PTPRD: variants seen among roughly 807,000 people sequenced by gnomAD.
PTPRD encodes protein tyrosine phosphatase receptor type D.
PTPRD carries 34 observed loss-of-function variants against 214.5 expected under a neutral mutation model. That is an observed-to-expected ratio of 0.16 (90% CI 0.12 to 0.21). PTPRD has a LOEUF of 0.21. Ranked by LOEUF, PTPRD falls within the 10% of genes least tolerant of loss-of-function variation. The pLI is 1.00. For missense variants in PTPRD, 2,545 were observed against 2,398.7 expected (o/e 1.06, Z -1.27); for synonymous variants, 1,128 against 845.7 (o/e 1.33, Z -5.79).
intron 3 of PTPRD, among the ~76,000 whole-genome samples, chr9:10,077,359 C>T (rs1020321930): frequency 6.6e-6 from 1 of 152,130 alleles, no homozygotes; most frequent in African/African-American, 2.4e-5. Context: ...TTGTGGTTCT[C>T]AAAATTCATT....
At chr9:8,889,573 G>A (rs918699149) in intron 11 of PTPRD, among the ~76,000 whole-genome samples, 6 of 152,134 alleles carry the variant, frequency 3.9e-5, no homozygotes, top group African/African-American at 1.2e-4. Flanking sequence ...CCTGAGCAGT[G>A]TACACTGTGC....
intron 5 of PTPRD, among the ~76,000 whole-genome samples, chr9:9,867,442 T>C (rs1000386865): frequency 7.2e-5 from 11 of 151,954 alleles, no homozygotes; most frequent in Non-Finnish European, 1.0e-4. Context: ...ATTCAAGATA[T>C]TCTGCATGAT....
chr9:8,514,925 T>A (rs771686231), intron 21 of PTPRD, among the ~76,000 whole-genome samples: 74 of 152,242 alleles, frequency 4.9e-4, no homozygotes, highest in African/African-American at 1.7e-3. Flanking sequence ...AATGGTTTTA[T>A]AAGGGGCTCT....
At position 9,693,786 on chromosome 9, in the gene PTPRD, C is replaced by G. The variant is rs2097318855; in HGVS notation, c.-287+40747G>C. On this transcript the variant is annotated intron_variant, in intron 7 of 45. Coordinates refer to ENST00000381196, the MANE Select transcript of PTPRD (RefSeq NM_002839.4). ...TAGATGTGCTTCATTTTTTAATATT[C>G]TCTTTGCTTTTGTCTCCTCTGACTG... 2.0e-5 allele frequency among the ~76,000 whole-genome samples: 3 copies of G among 152,070 alleles called. No individual in the cohort carries two copies. The South Asian group carries it at 6.2e-4, about 31-fold the overall frequency.
At chr9:8,907,532 AAATAT>A (rs1170333826) in intron 11 of PTPRD, among the ~76,000 whole-genome samples, 224 of 134,912 alleles carry the variant, frequency 1.7e-3, no homozygotes, top group African/African-American at 5.6e-3. Flanking sequence ...AAAAAAAAAA[AAATAT>A]ATATATATAT....
chr9:10,070,785 C>A (rs894697512), intron 3 of PTPRD, among the ~76,000 whole-genome samples: 6 of 151,722 alleles, frequency 4.0e-5, no homozygotes, highest in Non-Finnish European at 8.8e-5. Flanking sequence ...TAAGACTCTC[C>A]ACCGGCCACT....
At chr9:9,248,834 T>A (rs555632718) in intron 9 of PTPRD, among the ~76,000 whole-genome samples, 11 of 152,072 alleles carry the variant, frequency 7.2e-5, no homozygotes, top group Admixed American at 2.0e-4. Context: ...GAGACAAACA[T>A]AAGCAAGTAA....
chr9:8,533,380 C>T (rs553063824), intron 14 of PTPRD, among the ~76,000 whole-genome samples: 137 of 151,990 alleles, frequency 9.0e-4, no homozygotes, highest in African/African-American at 3.1e-3. Context: ...GGGAAAAATC[C>T]CAATTTTTAA....
chr9:9,335,667 T>C (rs957579493), intron 9 of PTPRD, among the ~76,000 whole-genome samples: 21 of 152,124 alleles, frequency 1.4e-4, no homozygotes, highest in African/African-American at 5.1e-4. Context: ...CACATATTCA[T>C]TGTTTCTTTC....
chr9:8,827,679 C>T (rs754409982), intron 11 of PTPRD, among the ~76,000 whole-genome samples: 1 of 152,092 alleles, frequency 6.6e-6, no homozygotes, highest in African/African-American at 2.4e-5. Context: ...ATAAAGTAAT[C>T]AGCTCATCAT....
intron 12 of PTPRD, among the ~76,000 whole-genome samples, chr9:8,711,530 A>G (rs911447839): frequency 6.6e-6 from 1 of 152,164 alleles, no homozygotes; most frequent in Non-Finnish European, 1.5e-5. Context: ...AAGCAAAAAT[A>G]ATAATAAAAA....
At chr9:10,475,927 C>G (rs1023777013) in intron 2 of PTPRD, among the ~76,000 whole-genome samples, 1 of 151,856 alleles carries the variant, frequency 6.6e-6, no homozygotes, top group Non-Finnish European at 1.5e-5. Context: ...AATACAAATT[C>G]AACATCCCTT....
intron 10 of PTPRD, among the ~76,000 whole-genome samples, chr9:9,121,000 G>A (rs2099817082): frequency 6.6e-6 from 1 of 152,116 alleles, no homozygotes; most frequent in African/African-American, 2.4e-5. Flanking sequence ...ATGCTGTAAT[G>A]AAGATATTAT....
intron 7 of PTPRD, among the ~76,000 whole-genome samples, chr9:9,599,613 T>A (rs1200339811): frequency 6.6e-6 from 1 of 152,022 alleles, no homozygotes; most frequent in Non-Finnish European, 1.5e-5. Context: ...TGTTTCATTC[T>A]GAGTAATTTC....
At chr9:9,201,791 G>A (rs149281438) in intron 9 of PTPRD, among the ~76,000 whole-genome samples, 54 of 152,234 alleles carry the variant, frequency 3.5e-4, no homozygotes, top group Middle Eastern at 3.4e-3. Flanking sequence ...GACTAATTTT[G>A]ATGTGATAAT....
At chr9:10,394,805 T>G (rs976499441) in intron 2 of PTPRD, among the ~76,000 whole-genome samples, 4 of 151,820 alleles carry the variant, frequency 2.6e-5, no homozygotes, top group Non-Finnish European at 5.9e-5. Context: ...CAATATAAAC[T>G]TTACAAAATA....
At chr9:9,216,312 A>T (rs577274277) in intron 9 of PTPRD, among the ~76,000 whole-genome samples, 1 of 152,260 alleles carries the variant, frequency 6.6e-6, no homozygotes, top group Non-Finnish European at 1.5e-5. Flanking sequence ...CCAGCTCCCA[A>T]ATCCTAGCCA....
chr9:9,589,947 G>C (rs918133553), intron 7 of PTPRD, among the ~76,000 whole-genome samples: 1 of 151,718 alleles, frequency 6.6e-6, no homozygotes, highest in Non-Finnish European at 1.5e-5. Flanking sequence ...TATCCAAAGC[G>C]CTCAAACTAT....
intron 2 of PTPRD, among the ~76,000 whole-genome samples, chr9:10,569,684 C>T (rs2066826837): frequency 6.6e-6 from 1 of 151,856 alleles, no homozygotes; most frequent in Non-Finnish European, 1.5e-5. Flanking sequence ...TCTTAATTTT[C>T]TGTTAGATTC....
Sources: gnomAD v4.1 joint callset for allele counts (sites outside exome capture counted in the v4.1 genomes callset) on GRCh38, gnomAD v4.1.1 for gene constraint, MANE v1.5 for transcripts, NCBI Gene and HGNC (gene_info 2026-07-23, HGNC 2026-07-21) for gene names.